Variants in DAB1 observed in about 807,000 individuals in gnomAD.
The protein encoded by DAB1 is DAB adaptor protein 1, also known as disabled homolog 1.
In DAB1, 15 loss-of-function variants were observed where a neutral mutation model predicts 64.6. The ratio of observed to expected loss-of-function variants is 0.23; its 90% CI spans 0.16 to 0.36. DAB1 has a LOEUF of 0.36. Ranked by LOEUF, DAB1 falls within the 10% of genes least tolerant of loss-of-function variation. The pLI is 1.00. For synonymous variants in DAB1, 235 were observed against 251.9 expected, an observed-to-expected ratio of 0.93 and a Z score of 0.64; for missense variants, 596 against 706.7, an observed-to-expected ratio of 0.84 and a Z score of 1.78.
intron 1 of DAB1, among the ~76,000 whole-genome samples, chr1:58,544,692 C>G (rs1379349159): frequency 6.6e-6 from 1 of 152,142 alleles, no homozygotes; most frequent in African/African-American, 2.4e-5. Context: ...CTCTTGGGTT[C>G]AAGCAATTCT....
chr1:58,432,701 G>T (rs1282932260), intron 3 of DAB1, among the ~76,000 whole-genome samples: 1 of 152,182 alleles, frequency 6.6e-6, no homozygotes, highest in Non-Finnish European at 1.5e-5. Flanking sequence ...CCCAATCAGA[G>T]TCTGGCACAA....
At chr1:57,009,017 A>G (rs1570483490) in intron 14 of DAB1, among the ~76,000 whole-genome samples, 2 of 152,204 alleles carry the variant, frequency 1.3e-5, no homozygotes, top group South Asian at 2.1e-4. Flanking sequence ...GGCTTGTAGG[A>G]TTGTCTCAAG....
chr1:58,165,827 T>G (rs1358886306), intron 4 of DAB1, among the ~76,000 whole-genome samples: 1 of 152,228 alleles, frequency 6.6e-6, no homozygotes, highest in Non-Finnish European at 1.5e-5. Context: ...GTCCTGGATC[T>G]GGAAGACTAT....
intron 7 of DAB1, among the ~76,000 whole-genome samples, chr1:57,622,235 C>A (rs914293153): frequency 6.6e-6 from 1 of 152,122 alleles, no homozygotes; most frequent in Admixed American, 6.6e-5. Context: ...GAGACTCTTA[C>A]TTCGGGTTTG....
chr1:57,779,478 T>C (rs1001616510), intron 6 of DAB1, among the ~76,000 whole-genome samples: 2 of 152,194 alleles, frequency 1.3e-5, no homozygotes, highest in African/African-American at 4.8e-5. Context: ...TTTGTTTGTT[T>C]TGTTTTATAA....
intron 7 of DAB1, among the ~76,000 whole-genome samples, chr1:57,563,423 G>A (rs140576739): frequency 6.6e-6 from 1 of 152,140 alleles, no homozygotes. Flanking sequence ...ATCTCACTGG[G>A]GCTTGTCAGA....
chr1:57,833,498 G>A (rs1383073609), intron 1 of DAB1, among the ~76,000 whole-genome samples: 6 of 152,226 alleles, frequency 3.9e-5, no homozygotes, highest in African/African-American at 1.4e-4. Flanking sequence ...TTCCAGTCAA[G>A]TTGGCTGCCC....
chr1:57,413,615 G>T (rs192525659), intron 1 of DAB1, among the ~76,000 whole-genome samples: 2 of 151,770 alleles, frequency 1.3e-5, no homozygotes, highest in Admixed American at 1.3e-4. Flanking sequence ...ATGGTGGCAG[G>T]TGCCTGTACT....
intron 4 of DAB1, among the ~76,000 whole-genome samples, chr1:58,285,993 G>A (rs1290391541): frequency 2.6e-5 from 4 of 152,086 alleles, no homozygotes; most frequent in Non-Finnish European, 5.9e-5. Flanking sequence ...ACAGAACAGA[G>A]AACTCAAAAA....
chr1:57,947,048 T>C (rs1297357028), intron 5 of DAB1, among the ~76,000 whole-genome samples: 1 of 152,192 alleles, frequency 6.6e-6, no homozygotes, highest in African/African-American at 2.4e-5. Context: ...ACCTTCCATG[T>C]GTCAAGTGCT....
At chr1:57,062,700 A>G (rs979609303) in intron 9 of DAB1, among the ~76,000 whole-genome samples, 184 bp downstream of exon 9, 1 of 152,102 alleles carries the variant, frequency 6.6e-6, no homozygotes, top group Non-Finnish European at 1.5e-5. Flanking sequence ...CCTCAGTGCT[A>G]CCATTTCTGC....
chr1:57,772,140 G>T (rs111947280), intron 6 of DAB1, among the ~76,000 whole-genome samples: 7 of 152,114 alleles, frequency 4.6e-5, no homozygotes, highest in African/African-American at 1.7e-4. Context: ...TGCTATGATT[G>T]TAGGAGTGGG....
intron 4 of DAB1, among the ~76,000 whole-genome samples, chr1:57,102,954 C>T (rs780709002): frequency 6.6e-6 from 1 of 152,092 alleles, no homozygotes; most frequent in Admixed American, 6.6e-5. Context: ...GGAGTAAAGT[C>T]GCTTTCTCCC....
intron 9 of DAB1, among the ~76,000 whole-genome samples, chr1:57,030,539 A>C (rs1338662926): frequency 6.6e-6 from 1 of 152,258 alleles, no homozygotes; most frequent in Non-Finnish European, 1.5e-5. Context: ...CACTGTTACC[A>C]ACATGAAGGT....
At chr1:58,256,791 G>A (rs12132541) in intron 4 of DAB1, among the ~76,000 whole-genome samples, 17,808 of 152,090 alleles carry the variant, frequency 0.12, 1,289 homozygotes, top group Admixed American at 0.19. Context: ...ACAAATGAAC[G>A]AACATGATGT....
At chr1:57,300,448 GAA>G (rs1404352421) in intron 1 of DAB1, among the ~76,000 whole-genome samples, 1 of 152,192 alleles carries the variant, frequency 6.6e-6, no homozygotes, top group African/African-American at 2.4e-5. Flanking sequence ...AGACTTCCAA[GAA>G]GAGGAGATCC....
At chr1:58,008,517 A>G (rs2100422809) in intron 5 of DAB1, among the ~76,000 whole-genome samples, 1 of 152,238 alleles carries the variant, frequency 6.6e-6, no homozygotes, top group Admixed American at 6.5e-5. Flanking sequence ...TAGGACAGAG[A>G]ACAGCCTGAA....
chr1:57,059,695 T>C (rs1300565606), intron 9 of DAB1, among the ~76,000 whole-genome samples: 12 of 151,950 alleles, frequency 7.9e-5, no homozygotes, highest in African/African-American at 2.7e-4. Context: ...GGGATCAACT[T>C]TCCAATACAT....
At chr1:57,632,795 G>A (rs1646006603) in intron 7 of DAB1, among the ~76,000 whole-genome samples, 3 of 152,264 alleles carry the variant, frequency 2.0e-5, no homozygotes, top group East Asian at 1.9e-4. Context: ...AATAATAAAA[G>A]TTTCAGAGTG....
Sources: gnomAD v4.1 joint callset for allele counts (sites outside exome capture counted in the v4.1 genomes callset) on GRCh38, gnomAD v4.1.1 for gene constraint, MANE v1.5 for transcripts, NCBI Gene and HGNC (gene_info 2026-07-23, HGNC 2026-07-21) for gene names.